The following CCDC186 variants were observed in gnomAD, a reference collection of about 807,000 sequenced individuals.
CCDC186 encodes the protein coiled-coil domain containing 186.
In CCDC186, 49 loss-of-function variants were observed where a neutral mutation model predicts 113.7. That is an observed-to-expected ratio of 0.43 (90% CI 0.34 to 0.55). The LOEUF is 0.55. CCDC186 is among the 20% of genes least tolerant of loss of function. The pLI is 0.02. For synonymous variants in CCDC186, 355 were observed against 345.8 expected (o/e 1.03, Z -0.30); for missense variants, 890 against 1,011.1 (o/e 0.88, Z 1.62).
chr10:114,163,359 C>A, intron 1 of CCDC186, 30 bp from the exon 2 acceptor site: 1 of 1,508,206 alleles, frequency 6.6e-7, no homozygotes, highest in Non-Finnish European at 8.8e-7. Flanking sequence ...AAATTAAAAA[C>A]CACTTTAAAC....
intron 3 of CCDC186, among the ~76,000 whole-genome samples, chr10:114,153,615 G>A (rs760403002): frequency 2.3e-4 from 34 of 151,042 alleles, no homozygotes; most frequent in African/African-American, 6.6e-4. Flanking sequence ...GTGAAACCCC[G>A]TCTCTACCAA....
At chr10:114,170,656 A>T (rs2032466560) in intron 1 of CCDC186, among the ~76,000 whole-genome samples, 1 of 152,202 alleles carries the variant, frequency 6.6e-6, no homozygotes, top group Non-Finnish European at 1.5e-5. Flanking sequence ...AGTTTAAGTG[A>T]AACAGCATTA....
At chr10:114,138,834 C>T (rs2031366479) in intron 6 of CCDC186, among the ~76,000 whole-genome samples, 1 of 152,128 alleles carries the variant, frequency 6.6e-6, no homozygotes, top group South Asian at 2.1e-4. Flanking sequence ...GGCCATGGAG[C>T]TCTTTCTTCA....
At chr10:114,152,288 G>A (rs1312959744) in intron 3 of CCDC186, among the ~76,000 whole-genome samples, 9 of 151,738 alleles carry the variant, frequency 5.9e-5, no homozygotes. Context: ...GCTACAGTGA[G>A]CTGTGATCCC....
intron 3 of CCDC186, among the ~76,000 whole-genome samples, chr10:114,153,092 C>T (rs1176662355): frequency 6.6e-6 from 1 of 152,110 alleles, no homozygotes; most frequent in Admixed American, 6.6e-5. Flanking sequence ...AAATAGGAGA[C>T]TTAAACACTA....
chr10:114,121,360 C>T lies in CCDC186; in HGVS notation c.*3783G>A, dbSNP rs114408167. The stretch of plus-strand genomic sequence containing the variant: ...ATTTTCACCAGGGTAGCATATATAA[C>T]AACATTTACATTATTAAGGATTCTA... On this transcript the variant is annotated 3_prime_UTR_variant, in exon 16 of 16. Transcript: ENST00000369287. 1,294 of 152,182 alleles carry T rather than the reference C, an allele frequency of 8.5e-3. 20 individuals are homozygous for T. Among genetic ancestry groups the T allele is most frequent in the African/African-American group, 0.029 (1,208 of 41,530 alleles). 9.4% of individuals were successfully genotyped at this position (152,182 alleles called of 1,614,324 possible).
intron 12 of CCDC186, 123 bp from the exon 13 acceptor site, chr10:114,130,094 A>G: frequency 1.4e-6 from 1 of 734,306 alleles, no homozygotes; most frequent in Non-Finnish European, 2.3e-6. Flanking sequence ...TCTTGAATAC[A>G]TACTTTAGGC....
rs769709263 is a variant in CCDC186, at chr10:114,136,150, C to T, written c.1423G>A (p.Glu475Lys). ...KQMQEKSDQL[E>K]MHHAKIKELE... ...ATATAAAGAGCAAAACTACTCACCT[C>T]TAGCTGGTCAGATTTTTCTTGCATT... Residue 475 changes from glutamate (E) to lysine (K), a missense_variant and splice_region_variant, in exon 8 of 16, where the codon GAG (glutamate) becomes AAG (lysine). Coordinates refer to ENST00000369287, the MANE Select transcript of CCDC186 (RefSeq NM_018017.4). 1 of 1,611,154 alleles carries T rather than the reference C, an allele frequency of 6.2e-7. No homozygotes were observed. Among genetic ancestry groups the T allele is most frequent in the South Asian group, 1.1e-5 (1 of 91,032 alleles).
At chr10:114,137,123 G>T in intron 7 of CCDC186, 63 bp downstream of exon 7, 1 of 1,302,010 alleles carries the variant, frequency 7.7e-7, no homozygotes, top group Non-Finnish European at 1.1e-6. Flanking sequence ...TCTAAAAAAA[G>T]AAAAAGAGAG....
chr10:114,142,748 G>C (rs2031510552), intron 6 of CCDC186, among the ~76,000 whole-genome samples: 1 of 152,138 alleles, frequency 6.6e-6, no homozygotes, highest in Admixed American at 6.6e-5. Flanking sequence ...TAAGCTACAG[G>C]ACTGCAGTAT....
chr10:114,173,900 C>G, intron 1 of CCDC186, 115 bp downstream of exon 1: 1 of 398,110 alleles, frequency 2.5e-6, no homozygotes, highest in Non-Finnish European at 5.1e-6. Flanking sequence ...ACCTCCACCT[C>G]GCACTCGCCC....
Position 114,136,017 on chromosome 10 carries a change from C to A in CCDC186, c.1426-40G>T, listed in dbSNP as rs756818164. On this transcript the variant is annotated intron_variant, in intron 8 of 15. Transcript: ENST00000369287. ...AAAAGAAACAACAAATCATAATGTG[C>A]TAAACTATATCTAAGATTTATTGCC... 11 of 1,560,062 alleles carry A rather than the reference C, an allele frequency of 7.1e-6. No homozygotes were observed. The East Asian group carries it at 2.5e-4, about 35-fold the overall frequency.
rs759633694 is a variant in CCDC186, at chr10:114,174,022, A to T, written c.-69T>A. On this transcript the variant is annotated 5_prime_UTR_variant, in exon 1 of 16. Coordinates refer to ENST00000369287, the MANE Select transcript of CCDC186 (RefSeq NM_018017.4). ...TACCCCTCAGACACTTACCCCACTT[A>T]TCCAAGCCTCAGGCCACGCCCTAAC... The T allele has an allele frequency of 1.0e-4, 48 of 471,170 alleles. No individual in the cohort carries two copies. The highest frequency in any genetic ancestry group is 1.6e-4 in the Non-Finnish European group (36 of 227,026). The allele number at this position is 471,170 out of a possible 1,614,324, so 29.2% of individuals were successfully genotyped here. A position where few individuals can be genotyped will look rare whatever the true frequency, so the allele number is the denominator to read the frequency against.
chr10:114,148,000 T>C (rs2031698968), intron 4 of CCDC186, among the ~76,000 whole-genome samples: 2 of 151,950 alleles, frequency 1.3e-5, no homozygotes, highest in Admixed American at 1.3e-4. Context: ...CTGGGCATGG[T>C]GGTGTGCACC....
Position 114,140,529 on chromosome 10 carries a change from C to A in CCDC186, c.1222-3239G>T, listed in dbSNP as rs116366452. 1.2e-3 allele frequency among the ~76,000 whole-genome samples: 189 copies of A among 152,232 alleles called. 2 individuals are homozygous for A. The highest frequency in any genetic ancestry group is 4.3e-3 in the African/African-American group (179 of 41,552). ...AAGATGTCGTATGTCAAATAAGCAGCTAAATATATGAATCTGGAGTTGCCT... is the reference window on the plus strand; with the variant it reads ...AAGATGTCGTATGTCAAATAAGCAGATAAATATATGAATCTGGAGTTGCCT... On this transcript the variant is annotated intron_variant, in intron 6 of 15. Transcript: ENST00000369287.
chr10:114,166,003 C>T (rs541419040), intron 1 of CCDC186: 2 of 919,474 alleles, frequency 2.2e-6, no homozygotes, highest in South Asian at 5.0e-5. Context: ...GTCTTAATTT[C>T]TGGAATAAGT....
chr10:114,141,648 C>G (rs146314719), intron 6 of CCDC186, among the ~76,000 whole-genome samples: 1 of 151,976 alleles, frequency 6.6e-6, no homozygotes, highest in Admixed American at 6.6e-5. Context: ...CACACACGCA[C>G]GCACACACAT....
At chr10:114,147,981 C>T (rs35274747) in intron 4 of CCDC186, among the ~76,000 whole-genome samples, 12,184 of 151,878 alleles carry the variant, frequency 0.08, 575 homozygotes, top group Middle Eastern at 0.14. Flanking sequence ...AAACAAAAAA[C>T]AAAATTAGCT....
chr10:114,130,869 A>C (rs2031065819), intron 12 of CCDC186, among the ~76,000 whole-genome samples: 1 of 152,212 alleles, frequency 6.6e-6, no homozygotes, highest in South Asian at 2.1e-4. Context: ...TTTTATTGAC[A>C]GGAGTATGTG....
Sources: allele counts gnomAD v4.1 joint callset (sites outside exome capture counted in the v4.1 genomes callset), GRCh38; gene constraint gnomAD v4.1.1; transcripts MANE v1.5; gene names NCBI Gene and HGNC (gene_info 2026-07-23, HGNC 2026-07-21).